The following CPLANE1 variants were observed in gnomAD, a reference collection of about 807,000 sequenced individuals.
The protein encoded by CPLANE1 is ciliogenesis and planar polarity effector complex subunit 1.
In CPLANE1, 263 loss-of-function variants were observed where a neutral mutation model predicts 362.5. The ratio of observed to expected loss-of-function variants is 0.73; its 90% CI spans 0.66 to 0.80. The LOEUF is 0.80. Ranked by LOEUF, CPLANE1 falls within the 30% of genes least tolerant of loss-of-function variation. CPLANE1 has a pLI of 0.00. For missense variants in CPLANE1, 3,461 were observed against 3,793.4 expected, an observed-to-expected ratio of 0.91 and a Z score of 2.30; for synonymous variants, 1,212 against 1,302.6, an observed-to-expected ratio of 0.93 and a Z score of 1.50.
chr5:37,098,219 C>T, the CPLANE1 span, among the ~76,000 whole-genome samples: 1 of 151,650 alleles, frequency 6.6e-6, no homozygotes, highest in Non-Finnish European at 1.5e-5. Context: ...TGGTGAAACC[C>T]CATCTCTACT....
At chr5:37,153,688 C>T (rs914143597) in intron 42 of CPLANE1, 52 bp downstream of exon 42, 8 of 1,548,618 alleles carry the variant, frequency 5.2e-6, no homozygotes, top group Non-Finnish European at 7.0e-6. Context: ...TATCACACTA[C>T]AAATCTAATA....
At chr5:37,155,680 T>C (rs1774891448) in intron 41 of CPLANE1, among the ~76,000 whole-genome samples, 1 of 152,128 alleles carries the variant, frequency 6.6e-6, no homozygotes, top group South Asian at 2.1e-4. Context: ...CAGCCAAACT[T>C]TAATTTTCTC....
the CPLANE1 span, among the ~76,000 whole-genome samples, chr5:37,096,002 C>T: frequency 6.6e-6 from 1 of 152,150 alleles, no homozygotes; most frequent in African/African-American, 2.4e-5. Context: ...ACCATACTGC[C>T]AAAAGCAATT....
chr5:37,113,700 C>T (rs1185306491), intron 51 of CPLANE1, among the ~76,000 whole-genome samples: 4 of 152,162 alleles, frequency 2.6e-5, no homozygotes, highest in African/African-American at 4.8e-5. Context: ...AACTGAATGA[C>T]GGATCTACAA....
At chr5:37,175,854 T>G in intron 31 of CPLANE1, 55 bp downstream of exon 31, 1 of 1,230,554 alleles carries the variant, frequency 8.1e-7, no homozygotes. Context: ...ACTTTCACTC[T>G]GTGATTTGTA....
the CPLANE1 span, among the ~76,000 whole-genome samples, chr5:37,099,936 G>A: frequency 1.1e-4 from 16 of 152,162 alleles, no homozygotes; most frequent in Admixed American, 2.0e-4. Context: ...ATTTGTTCAT[G>A]TCATTTGCCC....
chr5:37,144,524 T>C (rs927739491), intron 43 of CPLANE1, among the ~76,000 whole-genome samples: 4 of 151,834 alleles, frequency 2.6e-5, no homozygotes, highest in Non-Finnish European at 5.9e-5. Context: ...TTTGGTTTTA[T>C]ACATTTGTTG....
intron 51 of CPLANE1, among the ~76,000 whole-genome samples, chr5:37,111,382 C>T (rs1490254862): frequency 1.3e-5 from 2 of 152,094 alleles, no homozygotes; most frequent in Non-Finnish European, 2.9e-5. Context: ...CCTCGGCCTC[C>T]CAAAGTGCTG....
Position 37,169,230 on chromosome 5 carries a change from T to C in CPLANE1, c.6794A>G (p.Asp2265Gly), listed in dbSNP as rs1580368439. Residue 2265 changes from aspartate to glycine, a missense_variant, in exon 34 of 53, where the codon GAC becomes GGC. Physicochemically the swap from Asp to Gly is moderately conservative, Grantham distance 94. This residue lies in a region of CPLANE1 where 3,380 missense variants were observed against 3,666.1 expected (regional missense o/e 0.92). Coordinates refer to ENST00000651892, the MANE Select transcript of CPLANE1 (RefSeq NM_001384732.1). ...CTGTGGCAGAGCAGGTTGGAAGGAG[T>C]CAGATAATCCCCAAGCCTCTCTTGG... Reference protein sequence around the residue: ...PQPREAWGLSDSFQPALPQRA... With the variant: ...PQPREAWGLSGSFQPALPQRA... 4 of 1,613,928 alleles carry C rather than the reference T, an allele frequency of 2.5e-6. No homozygotes were observed. The East Asian group carries it at 8.9e-5, about 36-fold the overall frequency.
intron 50 of CPLANE1, among the ~76,000 whole-genome samples, chr5:37,115,835 C>T (rs1324166959): frequency 2.0e-5 from 3 of 151,440 alleles, no homozygotes; most frequent in Admixed American, 6.6e-5. Flanking sequence ...TGACATGATC[C>T]GCCCACCTCA....
At chr5:37,221,548 G>A in intron 14 of CPLANE1, 60 bp from the exon 15 acceptor site, 1 of 1,178,702 alleles carries the variant, frequency 8.5e-7, no homozygotes, top group Non-Finnish European at 1.1e-6. Flanking sequence ...CCTTGGTGTA[G>A]TGCTCAATTG....
At chr5:37,089,220 C>T in the CPLANE1 span, among the ~76,000 whole-genome samples, 1 of 152,152 alleles carries the variant, frequency 6.6e-6, no homozygotes, top group Non-Finnish European at 1.5e-5. Flanking sequence ...AAATTGTCAG[C>T]ATCATGGAAG....
intron 9 of CPLANE1, 67 bp downstream of exon 9, chr5:37,230,800 C>T: frequency 1.8e-6 from 2 of 1,127,804 alleles, no homozygotes; most frequent in South Asian, 3.2e-5. Context: ...TTTTTGAATA[C>T]ACAGTAAAAG....
At chr5:37,085,824 G>A in the CPLANE1 span, 1 of 1,378,564 alleles carries the variant, frequency 7.3e-7, no homozygotes, top group Non-Finnish European at 1.0e-6. Flanking sequence ...AGAGACAAAA[G>A]ACTGGGGGCC....
intron 44 of CPLANE1, chr5:37,142,084 TAA>T (rs1769918291): frequency 1.0e-6 from 1 of 993,246 alleles, no homozygotes; most frequent in Non-Finnish European, 1.3e-6. Flanking sequence ...TTCATATTAA[TAA>T]GTTACACCAA....
chr5:37,093,567 A>AC, the CPLANE1 span, among the ~76,000 whole-genome samples: 1 of 152,030 alleles, frequency 6.6e-6, no homozygotes, highest in African/African-American at 2.4e-5. Context: ...TCCTGGTTAG[A>AC]CCCCCACTCC....
At position 37,244,176 on chromosome 5, in the gene CPLANE1, A is replaced by G. The variant is rs561663287; in HGVS notation, c.570+199T>C. On this transcript the variant is annotated intron_variant, in intron 5 of 52. Coordinates refer to ENST00000651892, the MANE Select transcript of CPLANE1 (RefSeq NM_001384732.1). ...AACAAGCTATATTTTTAAATCAAGG[A>G]TAGAGAAAAGGAGTTCTAAGTTAAA... Among the ~76,000 whole-genome samples, 3 of 152,344 alleles carry G rather than the reference A, an allele frequency of 2.0e-5. No homozygotes were observed. The East Asian group carries it at 5.8e-4, about 29-fold the overall frequency.
intron 23 of CPLANE1, 29 bp downstream of exon 23, chr5:37,187,385 T>C: frequency 6.5e-7 from 1 of 1,549,432 alleles, no homozygotes; most frequent in Non-Finnish European, 8.7e-7. Flanking sequence ...GATTCTGATG[T>C]AGTTTACTTT....
intron 46 of CPLANE1, chr5:37,138,423 G>A (rs557786128): frequency 4.3e-5 from 20 of 466,432 alleles, no homozygotes; most frequent in African/African-American, 8.0e-5. Flanking sequence ...TATTCTAAGC[G>A]TTAATTTTTG....
Sources: allele counts gnomAD v4.1 joint callset (sites outside exome capture counted in the v4.1 genomes callset), GRCh38; gene constraint gnomAD v4.1.1; regional missense constraint gnomAD v4.1.1; transcripts MANE v1.5; gene names NCBI Gene and HGNC (gene_info 2026-07-23, HGNC 2026-07-21).